ZBTB41: variants seen among roughly 807,000 people sequenced by gnomAD.
The protein encoded by ZBTB41 is zinc finger and BTB domain containing 41, also known as zinc finger and BTB domain-containing protein 41.
In ZBTB41, 42 loss-of-function variants were observed where a neutral mutation model predicts 87.6. That is an observed-to-expected ratio of 0.48 (90% CI 0.37 to 0.62). The LOEUF (loss-of-function observed/expected upper bound fraction) is 0.62. Ranked by LOEUF, ZBTB41 falls within the 20% of genes least tolerant of loss-of-function variation. The pLI, the probability that ZBTB41 is intolerant of heterozygous loss-of-function variation, is 0.00. For missense variants in ZBTB41, 799 were observed against 1,078.9 expected, an observed-to-expected ratio of 0.74 and a Z score of 3.63; for synonymous variants, 364 against 364.0, an observed-to-expected ratio of 1.00 and a Z score of 0.00.
rs1481020019 is a variant in ZBTB41 at position 197,157,808 on chromosome 1, C to T, written c.*1551G>A. On this transcript the variant is annotated 3_prime_UTR_variant, in exon 11 of 11. Coordinates refer to ENST00000367405, the MANE Select transcript of ZBTB41 (RefSeq NM_194314.3). ...TTCTTAAGTGCTTCAGCGACAGTTT[C>T]CGCCATTACTAATTGATTAAACTTT... 6.6e-6 allele frequency: 1 copy of T among 152,252 alleles called. No individual in the cohort carries two copies. Among genetic ancestry groups the T allele is most frequent in the East Asian group, 1.9e-4 (1 of 5,196 alleles). 9.4% of individuals were successfully genotyped at this position (152,252 alleles called of 1,614,324 possible).
intron 6 of ZBTB41, among the ~76,000 whole-genome samples, chr1:197,180,299 ACC>A (rs1364617327): frequency 2.6e-5 from 4 of 152,136 alleles, no homozygotes; most frequent in Admixed American, 1.3e-4. Context: ...AGTAGGCTAT[ACC>A]ATCTAGGTTT....
intron 10 of ZBTB41, among the ~76,000 whole-genome samples, chr1:197,170,506 T>C (rs562724606): frequency 6.6e-6 from 1 of 152,266 alleles, no homozygotes; most frequent in South Asian, 2.1e-4. Context: ...TTAATGACAT[T>C]CTGGCTAATC....
At position 197,180,975 on chromosome 1, in the gene ZBTB41, G is replaced by C; in HGVS notation, c.1676+13C>G. On this transcript the variant is annotated intron_variant, in intron 6 of 10. Transcript: ENST00000367405. ...GTACTAGGATTTTTGTGGGTGTGCAGATAATTCTTCACCTTTCTCGTACTG... is the reference window on the plus strand; with the variant it reads ...GTACTAGGATTTTTGTGGGTGTGCACATAATTCTTCACCTTTCTCGTACTG... 2.5e-6 allele frequency: 4 copies of C among 1,583,994 alleles called. No individual in the cohort carries two copies. The highest frequency in any genetic ancestry group is 3.4e-6 in the Non-Finnish European group (4 of 1,172,608).
intron 9 of ZBTB41, among the ~76,000 whole-genome samples, chr1:197,173,918 T>A (rs1473264350): frequency 6.6e-6 from 1 of 152,134 alleles, no homozygotes; most frequent in Non-Finnish European, 1.5e-5. Context: ...GCTACTGGCA[T>A]ATAATGGGTA....
intron 5 of ZBTB41, among the ~76,000 whole-genome samples, chr1:197,181,605 AGT>A (rs960739748): frequency 1.3e-5 from 2 of 152,220 alleles, no homozygotes; most frequent in Non-Finnish European, 2.9e-5. Flanking sequence ...GAGACAAGAC[AGT>A]GTTCTACTGA....
chr1:197,157,146 G>A lies in ZBTB41; in HGVS notation c.*2213C>T, dbSNP rs1659084733. ...AAGAGATGTATTCCAAAAAAGTTCTGTGTAAACCAATTCCTACAATTAAAT... is the reference window on the plus strand; with the variant it reads ...AAGAGATGTATTCCAAAAAAGTTCTATGTAAACCAATTCCTACAATTAAAT... On this transcript the variant is annotated 3_prime_UTR_variant, in exon 11 of 11. Transcript: ENST00000367405. 1 of 152,036 alleles carries A rather than the reference G, an allele frequency of 6.6e-6. No individual in the cohort carries two copies. The highest frequency in any genetic ancestry group is 1.5e-5 in the Non-Finnish European group (1 of 67,696). 9.4% of individuals were successfully genotyped at this position (152,036 alleles called of 1,614,324 possible). A position where few individuals can be genotyped will look rare whatever the true frequency, so the allele number is the denominator to read the frequency against.
chr1:197,166,812 A>C (rs1168569838), intron 10 of ZBTB41, among the ~76,000 whole-genome samples: 1 of 152,086 alleles, frequency 6.6e-6, no homozygotes, highest in African/African-American at 2.4e-5. Flanking sequence ...GTGCTATTGC[A>C]CTCCAGTGTG....
At chr1:197,163,371 G>A (rs1659244212) in intron 10 of ZBTB41, among the ~76,000 whole-genome samples, 1 of 151,892 alleles carries the variant, frequency 6.6e-6, no homozygotes, top group Non-Finnish European at 1.5e-5. Context: ...ATATAAGACT[G>A]GGACATCAAA....
At chr1:197,176,332 A>C (rs1264121203) in intron 8 of ZBTB41, among the ~76,000 whole-genome samples, 2 of 152,078 alleles carry the variant, frequency 1.3e-5, no homozygotes. Context: ...TAAACTTTAC[A>C]CTTTATAGTC....
At chr1:197,194,029 T>A (rs967970792) in intron 2 of ZBTB41, among the ~76,000 whole-genome samples, 1 of 149,064 alleles carries the variant, frequency 6.7e-6, no homozygotes, top group Non-Finnish European at 1.5e-5. Flanking sequence ...TCTTTCTTTC[T>A]TTTTTTTTTG....
At chr1:197,178,665 T>C (rs573962836) in intron 6 of ZBTB41, among the ~76,000 whole-genome samples, 153 bp from the exon 7 acceptor site, 1 of 152,256 alleles carries the variant, frequency 6.6e-6, no homozygotes, top group Non-Finnish European at 1.5e-5. Flanking sequence ...CTATTCTCAC[T>C]AGTATACAAA....
chr1:197,158,371 G>A lies in ZBTB41; in HGVS notation c.*988C>T, dbSNP rs1376968249. 6.6e-6 allele frequency: 1 copy of A among 152,304 alleles called. No homozygotes were observed. The highest frequency in any genetic ancestry group is 1.5e-5 in the Non-Finnish European group (1 of 67,874). 9.4% of individuals were successfully genotyped at this position (152,304 alleles called of 1,614,324 possible). On this transcript the variant is annotated 3_prime_UTR_variant, in exon 11 of 11. Coordinates refer to ENST00000367405, the MANE Select transcript of ZBTB41 (RefSeq NM_194314.3). The stretch of plus-strand genomic sequence containing the variant: ...AGGCACAAATTTCATAATCTGTTTG[G>A]CACCTTTTCTAACAATTGAACACAA...
Position 197,175,072 on chromosome 1 carries a change from A to C in ZBTB41, c.1923T>G (p.Gly641=). 6.2e-7 allele frequency: 1 copy of C among 1,611,418 alleles called. No homozygotes were observed. The highest frequency in any genetic ancestry group is 1.1e-5 in the South Asian group (1 of 90,822). The change falls in exon 9 of 11, where the codon GGT becomes GGG. Residue 641 remains glycine, a synonymous_variant. Transcript: ENST00000367405. ...HQCEECGKCF[G]RRDHLTVHYK... Reference sequence around the variant, plus strand: ...AATGAACAGTGAGATGATCCCTACGACCAAAACATTTTCCACATTCTTCAC... The same window carrying C: ...AATGAACAGTGAGATGATCCCTACGCCCAAAACATTTTCCACATTCTTCAC...
chr1:197,180,395 C>T (rs1459004864), intron 6 of ZBTB41, among the ~76,000 whole-genome samples: 1 of 152,088 alleles, frequency 6.6e-6, no homozygotes, highest in Non-Finnish European at 1.5e-5. Context: ...TTAAGCGGCG[C>T]ATGACTGTAC....
intron 5 of ZBTB41, among the ~76,000 whole-genome samples, chr1:197,188,055 G>C (rs980189140): frequency 2.0e-5 from 3 of 152,194 alleles, no homozygotes; most frequent in African/African-American, 7.2e-5. Flanking sequence ...TTCTTCGATT[G>C]TAACAAACGT....
chr1:197,160,028 C>T lies in ZBTB41; in HGVS notation c.2075-14G>A. 2 of 1,593,336 alleles carry T rather than the reference C, an allele frequency of 1.3e-6. No homozygotes were observed. Among genetic ancestry groups the T allele is most frequent in the African/African-American group, 1.3e-5 (1 of 74,268 alleles). On this transcript the variant is annotated splice_polypyrimidine_tract_variant and intron_variant, in intron 10 of 10. Coordinates refer to ENST00000367405, the MANE Select transcript of ZBTB41 (RefSeq NM_194314.3). Reference sequence around the variant, plus strand: ...ATGGTTTTTCACCTATATGAATGAACAAGAATATAATTAGATGTAAAATGT... The same window carrying T: ...ATGGTTTTTCACCTATATGAATGAATAAGAATATAATTAGATGTAAAATGT...
At chr1:197,182,186 GT>G (rs1659763282) in intron 5 of ZBTB41, among the ~76,000 whole-genome samples, 1 of 152,118 alleles carries the variant, frequency 6.6e-6, no homozygotes, top group Admixed American at 6.6e-5. Flanking sequence ...AAAATGTGTG[GT>G]TAGTCAAAGA....
chr1:197,193,722 C>G (rs1029559538), intron 2 of ZBTB41, among the ~76,000 whole-genome samples: 2 of 152,140 alleles, frequency 1.3e-5, no homozygotes, highest in Non-Finnish European at 2.9e-5. Flanking sequence ...CCGCTGTGTT[C>G]AAGGAATCAG....
In ZBTB41 at chr1:197,188,371, T is replaced by G; in HGVS notation, c.1467A>C (p.Lys489Asn). ...EEHMILHSQD[K>N]PFKCTYCEEH... ...CTTCACAATAGGTACACTTAAAAGG[T>G]TTATCTTGAGAATGTAGAATCATAT... Residue 489 changes from lysine to asparagine, a missense_variant, in exon 5 of 11, where the codon AAA (lysine) becomes AAC (asparagine). Around this residue, in one of 5 missense-constraint regions of ZBTB41, gnomAD observed 198 missense variants for 358.4 expected, o/e 0.55. Transcript: ENST00000367405. The G allele has an allele frequency of 6.2e-7, 1 of 1,613,746 alleles. No homozygotes were observed. The highest frequency in any genetic ancestry group is 8.5e-7 in the Non-Finnish European group (1 of 1,179,866).
Sources: gnomAD v4.1 joint callset for allele counts (sites outside exome capture counted in the v4.1 genomes callset) on GRCh38, gnomAD v4.1.1 for gene constraint, gnomAD v4.1.1 regional missense constraint, MANE v1.5 for transcripts, NCBI Gene and HGNC (gene_info 2026-07-23, HGNC 2026-07-21) for gene names.